RNFT2: variants seen among roughly 807,000 people sequenced by gnomAD.
The protein encoded by RNFT2 is ring finger protein, transmembrane 2, also known as E3 ubiquitin-protein ligase RNFT2.
A neutral mutation model predicts 53.0 loss-of-function variants in RNFT2; 36 were observed. The observed-to-expected ratio is 0.68, with a 90% CI of 0.52 to 0.90. The LOEUF (loss-of-function observed/expected upper bound fraction) is 0.90. RNFT2 is among the 40% of genes least tolerant of loss of function. RNFT2 has a pLI of 0.00. For missense variants in RNFT2, 514 were observed against 585.6 expected (o/e 0.88, Z 1.26); for synonymous variants, 260 against 253.2 (o/e 1.03, Z -0.26).
Position 116,836,170 on chromosome 12 carries a change from C to A in RNFT2, c.1099-11C>A. The stretch of plus-strand genomic sequence containing the variant: ...GCCCATAGCTGTATTTGCTTCTCCC[C>A]TCCCTCAAAGAACTATGGAGTCCGA... On this transcript the variant is annotated splice_polypyrimidine_tract_variant and intron_variant, in intron 9 of 10. Coordinates refer to ENST00000257575, the MANE Select transcript of RNFT2 (RefSeq NM_001382266.1). 1 of 1,592,988 alleles carries A rather than the reference C, an allele frequency of 6.3e-7. No homozygotes were observed. The highest frequency in any genetic ancestry group is 8.6e-7 in the Non-Finnish European group (1 of 1,169,288).
chr12:116,751,079 T>C (rs778733278), intron 4 of RNFT2, among the ~76,000 whole-genome samples: 7 of 150,194 alleles, frequency 4.7e-5, no homozygotes, highest in Non-Finnish European at 8.9e-5. Flanking sequence ...CACACCCGGC[T>C]AAATTTTAAA....
intron 7 of RNFT2, among the ~76,000 whole-genome samples, chr12:116,793,372 A>G (rs1479228992): frequency 1.3e-5 from 2 of 151,902 alleles, no homozygotes; most frequent in African/African-American, 4.8e-5. Context: ...ATTTTTGTAG[A>G]GACAGGGTCT....
intron 7 of RNFT2, among the ~76,000 whole-genome samples, chr12:116,814,615 G>A (rs549168525): frequency 1.3e-5 from 2 of 152,250 alleles, no homozygotes; most frequent in South Asian, 4.2e-4. Flanking sequence ...GCAACTTCAT[G>A]GGCAAGCACC....
chr12:116,807,567 A>T (rs77839941), intron 7 of RNFT2, among the ~76,000 whole-genome samples: 2,024 of 152,066 alleles, frequency 0.013, 47 homozygotes, highest in African/African-American at 0.045. Flanking sequence ...AAGACTCTTA[A>T]TCACTGCATG....
Position 116,750,162 on chromosome 12 carries a change from G to A in RNFT2, c.405G>A (p.Arg135=), listed in dbSNP as rs746113959. The change falls in exon 4 of 11, where the codon CGG becomes CGA. Residue 135 remains arginine, a synonymous_variant. Coordinates refer to ENST00000257575, the MANE Select transcript of RNFT2 (RefSeq NM_001382266.1). ...SLLQHVGGDH[R]GHSEEGGDEQ... ...TGCAGCACGTGGGTGGGGACCACCG[G>A]GGGCACTCGGAGGAGGGAGGCGACG... 6.3e-7 allele frequency: 1 copy of A among 1,591,506 alleles called. No individual in the cohort carries two copies. Among genetic ancestry groups the A allele is most frequent in the Non-Finnish European group, 8.5e-7 (1 of 1,174,482 alleles).
intron 3 of RNFT2, chr12:116,748,616 A>G (rs1372474396): frequency 2.3e-6 from 1 of 437,908 alleles, no homozygotes; most frequent in African/African-American, 2.0e-5. Context: ...TGGGCCTCCC[A>G]GCTAAGTCTT....
In RNFT2 at chr12:116,750,010, G is replaced by A. The variant is rs1286114285; in HGVS notation, c.253G>A (p.Gly85Arg). The change falls in exon 4 of 11, where the codon GGG (glycine) becomes AGG (arginine). Residue 85 changes from glycine to arginine, a missense_variant. Gly to Arg is a moderately radical substitution (Grantham distance 125, BLOSUM62 -2). Coordinates refer to ENST00000257575, the MANE Select transcript of RNFT2 (RefSeq NM_001382266.1). Reference sequence around the variant, plus strand: ...GGTGCTGGGCTCCTCGGCTGGCGGCGGGGACGTGTTCATCCAGATGCCCGC... The same window carrying A: ...GGTGCTGGGCTCCTCGGCTGGCGGCAGGGACGTGTTCATCCAGATGCCCGC... ...SLVLGSSAGG[G>R]DVFIQMPASR... 4 of 1,555,184 alleles carry A rather than the reference G, an allele frequency of 2.6e-6. No individual in the cohort carries two copies. Among genetic ancestry groups the A allele is most frequent in the Admixed American group, 1.9e-5 (1 of 51,440 alleles).
At chr12:116,824,444 C>T (rs1018733742) in intron 7 of RNFT2, among the ~76,000 whole-genome samples, 1 of 152,252 alleles carries the variant, frequency 6.6e-6, no homozygotes, top group East Asian at 1.9e-4. Context: ...AAATGTATCT[C>T]TTTCTCATGT....
intron 6 of RNFT2, among the ~76,000 whole-genome samples, chr12:116,768,748 T>G (rs1323067233): frequency 6.6e-6 from 1 of 151,576 alleles, no homozygotes; most frequent in African/African-American, 2.4e-5. Context: ...TTTTTTTTTT[T>G]GAAACGAGTT....
At chr12:116,753,853 T>G in intron 4 of RNFT2, 131 bp from the exon 5 acceptor site, 1 of 667,530 alleles carries the variant, frequency 1.5e-6, no homozygotes, top group Non-Finnish European at 2.6e-6. Flanking sequence ...AGTGGGATTT[T>G]TTTTATTTTT....
At chr12:116,801,104 A>C (rs557934826) in intron 7 of RNFT2, 4 of 152,302 alleles carry the variant, frequency 2.6e-5, no homozygotes, top group African/African-American at 9.6e-5. Flanking sequence ...TATTGTTCCC[A>C]TTCCACAGAT....
intron 4 of RNFT2, among the ~76,000 whole-genome samples, chr12:116,751,153 CA>C (rs1268195497): frequency 6.6e-6 from 1 of 151,246 alleles, no homozygotes; most frequent in Non-Finnish European, 1.5e-5. Context: ...TGGGCTCAAG[CA>C]ATCCTCCCAC....
chr12:116,769,639 GTTA>G (rs1161208475), intron 6 of RNFT2, among the ~76,000 whole-genome samples: 2 of 152,160 alleles, frequency 1.3e-5, no homozygotes, highest in East Asian at 1.9e-4. Flanking sequence ...TAAGCTAAGT[GTTA>G]TTATAAAATA....
intron 7 of RNFT2, among the ~76,000 whole-genome samples, chr12:116,792,401 C>T (rs1874286143): frequency 6.6e-6 from 1 of 152,062 alleles, no homozygotes; most frequent in Admixed American, 6.6e-5. Context: ...AAACCATTCA[C>T]ATAAAATTCC....
intron 7 of RNFT2, among the ~76,000 whole-genome samples, chr12:116,782,582 GT>G (rs1873762765): frequency 6.6e-6 from 1 of 151,990 alleles, no homozygotes; most frequent in South Asian, 2.1e-4. Context: ...TCTAAAAGAC[GT>G]GGACATTTTT....
At chr12:116,780,670 CAA>C (rs534092869) in intron 7 of RNFT2, among the ~76,000 whole-genome samples, 74 of 100,074 alleles carry the variant, frequency 7.4e-4, no homozygotes, top group East Asian at 1.6e-3. Flanking sequence ...GGCATAAAGA[CAA>C]AAAAAAAAAA....
intron 3 of RNFT2, among the ~76,000 whole-genome samples, chr12:116,748,055 T>A (rs1283258628): frequency 3.3e-5 from 5 of 152,092 alleles, no homozygotes; most frequent in African/African-American, 1.2e-4. Context: ...CCGCACATGA[T>A]GGCAGGTGCC....
rs373496166 is a variant in RNFT2, at chr12:116,749,874, T to C, written c.117T>C (p.Ser39=). 11 of 1,587,996 alleles carry C rather than the reference T, an allele frequency of 6.9e-6. No individual in the cohort carries two copies. Among genetic ancestry groups the C allele is most frequent in the Non-Finnish European group, 9.4e-6 (11 of 1,167,260 alleles). The change falls in exon 4 of 11, where the codon AGT becomes AGC. Residue 39 remains serine (S), a synonymous_variant. Transcript: ENST00000257575. The stretch of plus-strand genomic sequence containing the variant: ...GCCAGGCGCTCAGCTCCGAGGCGAG[T>C]GTGGATGAAGGTGGCGTCTTTGAGA... ...NRSQALSSEA[S]VDEGGVFESL...
chr12:116,789,960 G>GTGGATGGATGGATGGATGGA (rs71095596), intron 7 of RNFT2, among the ~76,000 whole-genome samples: 13 of 146,280 alleles, frequency 8.9e-5, no homozygotes, highest in African/African-American at 2.0e-4. Flanking sequence ...GGATGGGTGG[G>GTGGATGGATGGATGGATGGA]TGGATGGATG....
Sources: allele counts gnomAD v4.1 joint callset (sites outside exome capture counted in the v4.1 genomes callset), GRCh38; gene constraint gnomAD v4.1.1; transcripts MANE v1.5; gene names NCBI Gene and HGNC (gene_info 2026-07-23, HGNC 2026-07-21).